CEP83: variants seen among roughly 807,000 people sequenced by gnomAD.
CEP83 encodes centrosomal protein 83.
A neutral mutation model predicts 101.9 loss-of-function variants in CEP83; 70 were observed. The ratio of observed to expected loss-of-function variants is 0.69; its 90% confidence interval spans 0.57 to 0.84. CEP83 has a LOEUF of 0.84. Ranked by LOEUF, CEP83 falls within the 40% of genes least tolerant of loss-of-function variation. The pLI, the probability that CEP83 is intolerant of heterozygous loss-of-function variation, is 0.00. For missense variants in CEP83, 715 were observed against 787.2 expected (o/e 0.91, Z 1.10); for synonymous variants, 264 against 267.9 (o/e 0.99, Z 0.14).
rs1364053745 is a variant in CEP83 at position 94,418,627 on chromosome 12, G to A, written c.-101-6036C>T. On this transcript the variant is annotated intron_variant, in intron 2 of 16. Transcript: ENST00000397809. Reference sequence around the variant, plus strand: ...ATCCAGAATAGATAAATACATAGAAGGTAGGCTGATGATTTCCAGGGACTA... The same window carrying A: ...ATCCAGAATAGATAAATACATAGAAAGTAGGCTGATGATTTCCAGGGACTA... Among the ~76,000 whole-genome samples, 3 of 152,102 alleles carry A rather than the reference G, an allele frequency of 2.0e-5. No individual in the cohort carries two copies. In the South Asian group the frequency reaches 6.2e-4, roughly 32 times the overall value.
chr12:94,439,032 G>A (rs1001277861), intron 1 of CEP83, among the ~76,000 whole-genome samples: 3 of 152,146 alleles, frequency 2.0e-5, no homozygotes, highest in East Asian at 1.9e-4. Flanking sequence ...GTGGTGCTAA[G>A]AGGAAAGTTC....
At chr12:94,282,383 C>T in the CEP83 span, 4 of 1,610,668 alleles carry the variant, frequency 2.5e-6, no homozygotes, top group Non-Finnish European at 3.4e-6. Context: ...CCAAGCTAAA[C>T]ACCATTGGCC....
downstream of CEP83, chr12:94,306,521 G>A (rs1354046598): frequency 2.0e-5 from 3 of 152,046 alleles, no homozygotes; most frequent in African/African-American, 7.2e-5. Context: ...TAATACCACT[G>A]TGTTTTCCTT....
chr12:94,422,060 TA>T lies in CEP83; in HGVS notation c.-101-9470del, dbSNP rs2064798807. Among the ~76,000 whole-genome samples, 3 of 152,246 alleles carry T rather than the reference TA, an allele frequency of 2.0e-5. No individual in the cohort carries two copies. In the South Asian group the frequency reaches 6.2e-4, roughly 31 times the overall value. ...ATAGGCCCAAGCAAGCATTAGGTTA[TA>T]GCCTGTTTCTCTTCCTTATTTGGAG... On this transcript the variant is annotated intron_variant, in intron 2 of 16. Transcript: ENST00000397809.
intron 7 of CEP83, among the ~76,000 whole-genome samples, chr12:94,378,239 C>T (rs943149894): frequency 2.6e-5 from 4 of 152,234 alleles, no homozygotes; most frequent in South Asian, 2.1e-4. Flanking sequence ...AGGCAATACC[C>T]GTAGGAGTAC....
intron 14 of CEP83, among the ~76,000 whole-genome samples, chr12:94,317,829 AGTTTT>A (rs1336432046): frequency 3.3e-5 from 5 of 152,238 alleles, no homozygotes; most frequent in East Asian, 1.9e-4. Flanking sequence ...TCTATAGTAT[AGTTTT>A]AAGTCAGGTA....
the CEP83 span, among the ~76,000 whole-genome samples, chr12:94,296,231 G>A: frequency 6.6e-6 from 1 of 152,132 alleles, no homozygotes; most frequent in Non-Finnish European, 1.5e-5. Context: ...TACAATCATG[G>A]CTCACTGAAG....
chr12:94,425,886 C>T (rs1272191426), intron 2 of CEP83, among the ~76,000 whole-genome samples: 1 of 152,004 alleles, frequency 6.6e-6, no homozygotes, highest in East Asian at 1.9e-4. Flanking sequence ...TTTGGGAGGC[C>T]AAGGTGGGCG....
intron 8 of CEP83, among the ~76,000 whole-genome samples, chr12:94,372,788 T>C (rs1014258974): frequency 3.3e-5 from 5 of 152,236 alleles, no homozygotes; most frequent in African/African-American, 1.2e-4. Context: ...CTTTTGCTGT[T>C]AAACCAGTGG....
At chr12:94,456,408 G>A (rs2067683564) in intron 1 of CEP83, among the ~76,000 whole-genome samples, 1 of 152,172 alleles carries the variant, frequency 6.6e-6, no homozygotes, top group African/African-American at 2.4e-5. Flanking sequence ...ACAAAAGTGG[G>A]GGAAAGTAGA....
chr12:94,388,283 C>A (rs2062281013), intron 6 of CEP83, among the ~76,000 whole-genome samples: 1 of 152,208 alleles, frequency 6.6e-6, no homozygotes, highest in Admixed American at 6.5e-5. Flanking sequence ...TGCAGCAACA[C>A]AGATACAGCT....
intron 11 of CEP83, among the ~76,000 whole-genome samples, chr12:94,367,423 A>G (rs1219251236): frequency 6.6e-6 from 1 of 152,138 alleles, no homozygotes; most frequent in Non-Finnish European, 1.5e-5. Context: ...ATGCAATACA[A>G]AACCAAAATG....
intron 11 of CEP83, among the ~76,000 whole-genome samples, chr12:94,354,874 G>A (rs1018012153): frequency 2.6e-5 from 4 of 152,072 alleles, no homozygotes; most frequent in Non-Finnish European, 5.9e-5. Context: ...TATGGGCGTG[G>A]TGGCACACGC....
chr12:94,358,316 A>G (rs2060576548), intron 11 of CEP83, among the ~76,000 whole-genome samples: 1 of 152,218 alleles, frequency 6.6e-6, no homozygotes, highest in Non-Finnish European at 1.5e-5. Context: ...TATACAATGC[A>G]TGAAATGAGG....
chr12:94,332,908 G>A (rs1448051869), intron 13 of CEP83, among the ~76,000 whole-genome samples: 1 of 151,710 alleles, frequency 6.6e-6, no homozygotes, highest in East Asian at 1.9e-4. Flanking sequence ...TAAAGACAAA[G>A]CAAATACAAA....
chr12:94,368,180 A>G lies in CEP83; in HGVS notation c.1070T>C (p.Ile357Thr), dbSNP rs2061115926. 3.1e-6 allele frequency: 5 copies of G among 1,612,560 alleles called. No individual in the cohort carries two copies. In the East Asian group the frequency reaches 1.1e-4, roughly 36 times the overall value. The change falls in exon 10 of 17, where the codon ATT (isoleucine) becomes ACT (threonine). Residue 357 changes from isoleucine to threonine, a missense_variant. By Grantham distance (89) the Ile-to-Thr change is moderately conservative (BLOSUM62 -1). Coordinates refer to ENST00000397809, the MANE Select transcript of CEP83 (RefSeq NM_016122.3). ...GTGATGTTCAACAGCTGCTTTGAGA[A>G]TTTCATTGTCTGACTGTAATCCTAG... ...ELDGLQSDNE[I>T]LKAAVEHHKV...
At chr12:94,412,892 G>A (rs891930974) in intron 2 of CEP83, among the ~76,000 whole-genome samples, 8 of 149,316 alleles carry the variant, frequency 5.4e-5, no homozygotes, top group East Asian at 2.0e-4. Context: ...TCGCTCGTTC[G>A]CCCAGGCTGG....
At chr12:94,303,749 T>C (rs1057977), downstream of CEP83, 213,803 of 1,335,926 alleles carry the variant, frequency 0.16, 15,048 homozygotes, top group African/African-American at 0.26. Flanking sequence ...TTTTTTTTTT[T>C]CCCCAGGAAG....
chr12:94,439,689 T>C (rs2066255584), intron 1 of CEP83, among the ~76,000 whole-genome samples: 1 of 152,098 alleles, frequency 6.6e-6, no homozygotes, highest in Admixed American at 6.5e-5. Context: ...TAAATCATTC[T>C]ATGAAGCCAG....
Sources: gnomAD v4.1 joint callset for allele counts (sites outside exome capture counted in the v4.1 genomes callset) on GRCh38, gnomAD v4.1.1 for gene constraint, MANE v1.5 for transcripts, NCBI Gene and HGNC (gene_info 2026-07-23, HGNC 2026-07-21) for gene names.